TMEM178B: variants seen among roughly 807,000 people sequenced by gnomAD.
TMEM178B encodes the protein transmembrane protein 178B.
Under a neutral mutation model 31.0 loss-of-function variants are expected in TMEM178B, and 5 were observed. That is an observed-to-expected ratio of 0.16 (90% CI 0.08 to 0.34). TMEM178B has a LOEUF of 0.34. Ranked by LOEUF, TMEM178B falls within the 10% of genes least tolerant of loss-of-function variation. The pLI is 1.00. For missense variants in TMEM178B, 275 were observed against 400.3 expected, an observed-to-expected ratio of 0.69 and a Z score of 2.67; for synonymous variants, 164 against 164.0, an observed-to-expected ratio of 1.00 and a Z score of 0.00.
chr7:141,256,974 G>A (rs1797938475), intron 2 of TMEM178B, among the ~76,000 whole-genome samples: 2 of 152,294 alleles, frequency 1.3e-5, no homozygotes, highest in South Asian at 2.1e-4. Context: ...GGATCAGTGT[G>A]CATGATATTG....
intron 2 of TMEM178B, among the ~76,000 whole-genome samples, chr7:141,341,117 A>G (rs1422855227): frequency 1.3e-5 from 2 of 152,082 alleles, no homozygotes; most frequent in South Asian, 4.1e-4. Context: ...CTCAACCCAG[A>G]GCTGTTTTTG....
At chr7:141,137,233 A>G (rs1795689100) in intron 1 of TMEM178B, among the ~76,000 whole-genome samples, 1 of 152,218 alleles carries the variant, frequency 6.6e-6, no homozygotes, top group African/African-American at 2.4e-5. Context: ...AAGAAAAGAA[A>G]TCAGTATATC....
chr7:141,399,916 C>G (rs187837336), intron 2 of TMEM178B, among the ~76,000 whole-genome samples: 8 of 152,164 alleles, frequency 5.3e-5, no homozygotes, highest in Admixed American at 5.2e-4. Context: ...AAAATAAGTG[C>G]ACCGGTATTC....
Position 141,139,425 on chromosome 7 carries a change from C to T in TMEM178B, c.382+64733C>T, listed in dbSNP as rs555135456. ...GGAGTTCAGTGACATAATCATGGCT[C>T]ACAGCAGCCTCACCCTTCTGGGCTC... is the stretch of plus-strand genomic sequence containing the variant. On this transcript the variant is annotated intron_variant, in intron 1 of 3. Coordinates refer to ENST00000565468, the MANE Select transcript of TMEM178B (RefSeq NM_001195278.2). 7.4e-4 allele frequency among the ~76,000 whole-genome samples: 112 copies of T among 152,242 alleles called. 1 individual carries two copies. The highest frequency in any genetic ancestry group is 3.4e-3 in the Middle Eastern group (1 of 294).
chr7:141,386,862 C>T (rs1420667904), intron 2 of TMEM178B, among the ~76,000 whole-genome samples: 1 of 152,194 alleles, frequency 6.6e-6, no homozygotes, highest in African/African-American at 2.4e-5. Context: ...TCCAGGGGCT[C>T]AGCAGCCGGG....
intron 2 of TMEM178B, among the ~76,000 whole-genome samples, chr7:141,238,041 A>AAAG (rs1554466510): frequency 1.4e-5 from 2 of 143,852 alleles, no homozygotes; most frequent in African/African-American, 2.5e-5. Flanking sequence ...AAAAAAAAAA[A>AAAG]GGAAATTAAG....
chr7:141,445,262 C>T (rs1801732129), intron 3 of TMEM178B, among the ~76,000 whole-genome samples: 1 of 152,208 alleles, frequency 6.6e-6, no homozygotes, highest in East Asian at 1.9e-4. Context: ...CTCAGCATAA[C>T]ACTCTTCTGC....
At chr7:141,252,891 T>A (rs1797859074) in intron 2 of TMEM178B, among the ~76,000 whole-genome samples, 1 of 152,200 alleles carries the variant, frequency 6.6e-6, no homozygotes, top group African/African-American at 2.4e-5. Flanking sequence ...CCAGCTCCAT[T>A]CTCCTTGCCC....
intron 2 of TMEM178B, among the ~76,000 whole-genome samples, chr7:141,345,744 A>G (rs1357692413): frequency 6.6e-6 from 1 of 152,194 alleles, no homozygotes; most frequent in Non-Finnish European, 1.5e-5. Context: ...AATTATAAGT[A>G]TTTACTAAAA....
At chr7:141,454,561 C>T (rs1586971812) in intron 3 of TMEM178B, among the ~76,000 whole-genome samples, 1 of 138,360 alleles carries the variant, frequency 7.2e-6, no homozygotes, top group East Asian at 2.0e-4. Flanking sequence ...TCCTCTCTCT[C>T]CTCTCTCTCC....
chr7:141,301,851 C>T (rs1798733016), intron 2 of TMEM178B, among the ~76,000 whole-genome samples: 1 of 152,142 alleles, frequency 6.6e-6, no homozygotes, highest in African/African-American at 2.4e-5. Context: ...GAAGAGAGTC[C>T]TGAGCTGAAT....
rs181838745 is a variant in TMEM178B, at chr7:141,166,638, A to G, written c.383-45953A>G. ...GGCTGCTACCCAGGAGACCCACAGG[A>G]ACGTCCCAGAACCTGCCCTAACCTT... is the stretch of plus-strand genomic sequence containing the variant. On this transcript the variant is annotated intron_variant, in intron 1 of 3. Coordinates refer to ENST00000565468, the MANE Select transcript of TMEM178B (RefSeq NM_001195278.2). Among the ~76,000 whole-genome samples, 579 of 152,298 alleles carry G rather than the reference A, an allele frequency of 3.8e-3. 5 individuals carry two copies. The highest frequency in any genetic ancestry group is 0.013 in the African/African-American group (557 of 41,554).
chr7:141,453,816 T>G (rs371445167), intron 3 of TMEM178B, among the ~76,000 whole-genome samples: 3 of 152,216 alleles, frequency 2.0e-5, no homozygotes, highest in East Asian at 3.8e-4. Flanking sequence ...TCTTTATTTA[T>G]TCATTCTAGT....
the TMEM178B span, among the ~76,000 whole-genome samples, chr7:141,490,695 C>T: frequency 1.3e-5 from 2 of 152,360 alleles, no homozygotes; most frequent in African/African-American, 4.8e-5. Context: ...ATGCCTTTGT[C>T]ATTTCAAAGA....
rs1398630951 is a variant in TMEM178B at position 141,471,769 on chromosome 7, GGTGTGTGTGTGCGTGTGTGTGTGTGTGT to G, written c.*995_*1022del. On this transcript the variant is annotated 3_prime_UTR_variant, in exon 4 of 4. Transcript: ENST00000565468. The surrounding 1 kb of genome is among the most constrained non-coding windows in gnomAD (Gnocchi z 4.1). ...TTCTGCAGCTACAGATCCCTGGAGT[GGTGTGTGTGTGCGTGTGTGTGTGTGTGT>G]GTGTGTGTGTGTGTGTGTGTGGTGG... 7.8e-6 allele frequency: 1 copy of G among 128,532 alleles called. No individual in the cohort carries two copies. The highest frequency in any genetic ancestry group is 2.9e-5 in the African/African-American group (1 of 34,192). The allele number at this position is 128,532 out of a possible 1,614,324, so 8.0% of individuals were successfully genotyped here.
intron 1 of TMEM178B, among the ~76,000 whole-genome samples, chr7:141,194,381 A>G (rs1222376020): frequency 1.3e-5 from 2 of 152,206 alleles, no homozygotes; most frequent in Non-Finnish European, 2.9e-5. Context: ...AGCCATTTCA[A>G]ATGGGAGAAA....
chr7:141,193,721 A>G (rs1257166562), intron 1 of TMEM178B, among the ~76,000 whole-genome samples: 4 of 152,182 alleles, frequency 2.6e-5, no homozygotes, highest in Non-Finnish European at 5.9e-5. Flanking sequence ...AGCCATACTC[A>G]GGCCCCAACT....
chr7:141,476,947 G>A lies in TMEM178B; in HGVS notation c.*6161G>A, dbSNP rs765450243. 9 of 154,822 alleles carry A rather than the reference G, an allele frequency of 5.8e-5. No individual in the cohort carries two copies. Among genetic ancestry groups the A allele is most frequent in the Middle Eastern group, 5.1e-4 (1 of 1,948 alleles). The allele number at this position is 154,822 out of a possible 1,614,324, so 9.6% of individuals were successfully genotyped here. A position where few individuals can be genotyped will look rare whatever the true frequency, so the allele number is the denominator to read the frequency against. On this transcript the variant is annotated 3_prime_UTR_variant, in exon 4 of 4. Transcript: ENST00000565468. ...ATGAAGAGTTGCACAGCAGTAGTTC[G>A]AAGAAGCTGGCATCTCTTTGGCAAA... is the stretch of plus-strand genomic sequence containing the variant.
At chr7:141,160,929 C>T (rs955463513) in intron 1 of TMEM178B, among the ~76,000 whole-genome samples, 11 of 152,174 alleles carry the variant, frequency 7.2e-5, no homozygotes, top group Non-Finnish European at 1.6e-4. Context: ...GCGATCTTGG[C>T]TCACTGCAAC....
Sources: gnomAD v4.1 joint callset for allele counts (sites outside exome capture counted in the v4.1 genomes callset) on GRCh38, gnomAD v4.1.1 for gene constraint, Gnocchi (gnomAD v3.1) non-coding constraint, MANE v1.5 for transcripts, NCBI Gene and HGNC (gene_info 2026-07-23, HGNC 2026-07-21) for gene names.